Variants in FRMD6 observed in about 807,000 individuals in gnomAD.
FRMD6 encodes FERM domain containing 6.
Under a neutral mutation model 73.2 loss-of-function variants are expected in FRMD6, and 37 were observed. The ratio of observed to expected loss-of-function variants is 0.51; its 90% confidence interval spans 0.39 to 0.66. FRMD6 has a LOEUF of 0.66. FRMD6 is among the 30% of genes least tolerant of loss of function. The probability of loss-of-function intolerance (pLI) is 0.00; values close to 1 mark genes in which losing one functional copy is unlikely to be tolerated. For missense variants in FRMD6, 714 were observed against 780.5 expected (o/e 0.91, Z 1.02); for synonymous variants, 273 against 282.2 (o/e 0.97, Z 0.33).
chr14:51,566,352 G>A (rs1339444696), intron 1 of FRMD6, among the ~76,000 whole-genome samples: 1 of 152,176 alleles, frequency 6.6e-6, no homozygotes, highest in East Asian at 1.9e-4. Context: ...ATTGTCCAGA[G>A]TAAAGACCCA....
At chr14:51,554,785 G>C (rs888405506) in intron 1 of FRMD6, 11 of 152,178 alleles carry the variant, frequency 7.2e-5, no homozygotes, top group Admixed American at 6.5e-4. Context: ...AATGGAATCC[G>C]AGACAGAAAG....
the FRMD6 span, among the ~76,000 whole-genome samples, chr14:51,426,315 C>T: frequency 2.6e-5 from 4 of 152,134 alleles, no homozygotes; most frequent in Admixed American, 2.6e-4. Context: ...GGTGTCTCAG[C>T]CTCACCATTT....
At chr14:51,567,667 G>A (rs1289733445) in intron 1 of FRMD6, among the ~76,000 whole-genome samples, 1 of 152,160 alleles carries the variant, frequency 6.6e-6, no homozygotes, top group Non-Finnish European at 1.5e-5. Flanking sequence ...GAAATCATAT[G>A]CATCCTTTAT....
intron 2 of FRMD6, among the ~76,000 whole-genome samples, chr14:51,582,380 A>G (rs1888774790): frequency 6.6e-6 from 1 of 152,226 alleles, no homozygotes; most frequent in African/African-American, 2.4e-5. Flanking sequence ...TGTGATCATC[A>G]CTCAAGAAAA....
At chr14:51,497,130 A>G (rs1883344363) in intron 1 of FRMD6, among the ~76,000 whole-genome samples, 1 of 152,082 alleles carries the variant, frequency 6.6e-6, no homozygotes, top group African/African-American at 2.4e-5. Flanking sequence ...ATCTGGGCAC[A>G]TATTTTCAGA....
At chr14:51,577,741 A>T (rs1017105766) in intron 2 of FRMD6, among the ~76,000 whole-genome samples, 1 of 152,190 alleles carries the variant, frequency 6.6e-6, no homozygotes, top group Non-Finnish European at 1.5e-5. Context: ...CTCACTGTGT[A>T]TATAGGCTTT....
the FRMD6 span, among the ~76,000 whole-genome samples, chr14:51,440,716 G>A: frequency 6.6e-6 from 1 of 152,186 alleles, no homozygotes; most frequent in South Asian, 2.1e-4. Context: ...GAGAGAGAGA[G>A]AGAGAAGCAA....
At chr14:51,465,897 G>A in the FRMD6 span, among the ~76,000 whole-genome samples, 2 of 152,108 alleles carry the variant, frequency 1.3e-5, no homozygotes, top group African/African-American at 2.4e-5. Flanking sequence ...CTCCAAAGTG[G>A]TTGTACCATT....
At chr14:51,428,558 C>T in the FRMD6 span, among the ~76,000 whole-genome samples, 19 of 152,208 alleles carry the variant, frequency 1.2e-4, no homozygotes, top group East Asian at 2.7e-3. Context: ...TTAGAAAATG[C>T]GATCCTGGAC....
At chr14:51,681,297 AATAGCATAG>A (rs1476571628) in intron 1 of FRMD6, among the ~76,000 whole-genome samples, 4 of 152,240 alleles carry the variant, frequency 2.6e-5, no homozygotes, top group Admixed American at 6.5e-5. Context: ...GATATGATAA[AATAGCATAG>A]ATAGTGACCA....
chr14:51,459,885 T>TCTC, the FRMD6 span, among the ~76,000 whole-genome samples: 6 of 43,528 alleles, frequency 1.4e-4, no homozygotes, highest in African/African-American at 6.4e-4. Context: ...ACTGACTCTC[T>TCTC]TTTTTTTTTT....
At chr14:51,550,435 T>C (rs1451522892) in intron 1 of FRMD6, among the ~76,000 whole-genome samples, 3 of 152,146 alleles carry the variant, frequency 2.0e-5, no homozygotes, top group Non-Finnish European at 4.4e-5. Flanking sequence ...CAGCCAAAAA[T>C]TGTATAAATA....
At chr14:51,615,356 G>A (rs541949182) in intron 2 of FRMD6, among the ~76,000 whole-genome samples, 2 of 152,300 alleles carry the variant, frequency 1.3e-5, no homozygotes, top group South Asian at 4.1e-4. Flanking sequence ...GCCTTAGAAA[G>A]TATGGAGATG....
chr14:51,553,950 C>G (rs1214231631), intron 1 of FRMD6, among the ~76,000 whole-genome samples: 3 of 152,036 alleles, frequency 2.0e-5, no homozygotes, highest in Admixed American at 2.0e-4. Flanking sequence ...ACTTGGTGCC[C>G]AGGTGTTGAT....
intron 1 of FRMD6, among the ~76,000 whole-genome samples, chr14:51,536,606 G>A (rs752018556): frequency 8.6e-5 from 13 of 151,716 alleles, no homozygotes; most frequent in Non-Finnish European, 1.8e-4. Context: ...TAATAGAGAC[G>A]AGATTTCACC....
At chr14:51,459,697 G>GGC in the FRMD6 span, among the ~76,000 whole-genome samples, 1 of 151,602 alleles carries the variant, frequency 6.6e-6, no homozygotes, top group Non-Finnish European at 1.5e-5. Flanking sequence ...CGTGGTGGCG[G>GGC]GTGCCTGTAG....
At chr14:51,547,608 T>C (rs985327184) in intron 1 of FRMD6, 26 of 152,228 alleles carry the variant, frequency 1.7e-4, no homozygotes, top group African/African-American at 6.3e-4. Flanking sequence ...TTATTGAGTA[T>C]GGAGTGATTT....
chr14:51,472,505 G>A, the FRMD6 span, among the ~76,000 whole-genome samples: 17 of 152,148 alleles, frequency 1.1e-4, no homozygotes, highest in Admixed American at 4.6e-4. Context: ...GAGTTTCACC[G>A]TGCTAGCCAG....
the FRMD6 span, among the ~76,000 whole-genome samples, chr14:51,480,552 A>G: frequency 6.6e-6 from 1 of 152,170 alleles, no homozygotes. Flanking sequence ...GCCTAAATGT[A>G]TCCTCTATGC....
Sources: gnomAD v4.1 joint callset for allele counts (sites outside exome capture counted in the v4.1 genomes callset) on GRCh38, gnomAD v4.1.1 for gene constraint, MANE v1.5 for transcripts, NCBI Gene and HGNC (gene_info 2026-07-23, HGNC 2026-07-21) for gene names.